DPY19L4: variants seen among roughly 807,000 people sequenced by gnomAD.
DPY19L4 encodes the protein probable C-mannosyltransferase DPY19L4.
Under a neutral mutation model 102.8 loss-of-function variants are expected in DPY19L4, and 97 were observed. The observed-to-expected ratio is 0.94, with a 90% CI of 0.80 to 1.12. The LOEUF (loss-of-function observed/expected upper bound fraction) is 1.12. Among genes scored for constraint, DPY19L4 ranks in the 50% most tolerant of loss-of-function variants. The pLI is 0.00. For synonymous variants in DPY19L4, 252 were observed against 283.1 expected (o/e 0.89, Z 1.10); for missense variants, 815 against 850.4 (o/e 0.96, Z 0.52).
At chr8:94,750,476 A>G (rs942978740) in intron 6 of DPY19L4, among the ~76,000 whole-genome samples, 5 of 152,212 alleles carry the variant, frequency 3.3e-5, no homozygotes, top group African/African-American at 1.2e-4. Context: ...AATGTTTACT[A>G]GGTTCTAGGC....
intron 13 of DPY19L4, among the ~76,000 whole-genome samples, chr8:94,774,868 C>T (rs551297834): frequency 8.5e-5 from 13 of 152,176 alleles, no homozygotes; most frequent in Middle Eastern, 3.4e-3. Context: ...TGAGCCACCG[C>T]GCCCAGCCTT....
chr8:94,754,756 A>C (rs1812085772), intron 6 of DPY19L4, among the ~76,000 whole-genome samples: 1 of 152,148 alleles, frequency 6.6e-6, no homozygotes, highest in African/African-American at 2.4e-5. Flanking sequence ...ATTGAGGAGA[A>C]ATTTAGGAGG....
intron 10 of DPY19L4, 75 bp downstream of exon 10, chr8:94,765,884 A>G: frequency 1.1e-6 from 1 of 938,488 alleles, no homozygotes; most frequent in Middle Eastern, 2.7e-4. Context: ...TTTAATGAGA[A>G]TAATGAGATA....
At chr8:94,789,551 G>A (rs552201941) in intron 18 of DPY19L4, among the ~76,000 whole-genome samples, 195 bp from the exon 19 acceptor site, 47 of 152,268 alleles carry the variant, frequency 3.1e-4, no homozygotes, top group Admixed American at 5.9e-4. Flanking sequence ...CAGTGTCAAT[G>A]AGAAGTTCAG....
rs1490794801 is a variant in DPY19L4 at position 94,792,413 on chromosome 8, A to G, written c.*2503A>G. 6.6e-6 allele frequency: 1 copy of G among 151,852 alleles called. No individual in the cohort carries two copies. 9.4% of individuals were successfully genotyped at this position (151,852 alleles called of 1,614,324 possible). ...CAGGCACCTGCCACCAAGCACGGCT[A>G]ATTTTTGTATTTTTAGTAGAAACGG... On this transcript the variant is annotated 3_prime_UTR_variant, in exon 19 of 19. Transcript: ENST00000414645.
intron 7 of DPY19L4, 135 bp downstream of exon 7, chr8:94,756,294 G>C (rs534371592): frequency 1.0e-4 from 126 of 1,207,062 alleles, no homozygotes; most frequent in Non-Finnish European, 1.4e-4. Context: ...CATAATAAAA[G>C]ATATAGTTAG....
At chr8:94,756,290 A>G in intron 7 of DPY19L4, 131 bp downstream of exon 7, 3 of 1,247,016 alleles carry the variant, frequency 2.4e-6, no homozygotes, top group Non-Finnish European at 3.2e-6. Flanking sequence ...ACTACATAAT[A>G]AAAGATATAG....
chr8:94,760,680 T>C (rs1812358887), intron 7 of DPY19L4, among the ~76,000 whole-genome samples: 2 of 152,232 alleles, frequency 1.3e-5, no homozygotes, highest in African/African-American at 4.8e-5. Flanking sequence ...ATTGTCCTTC[T>C]CCTTCACTGT....
At chr8:94,756,292 A>C in intron 7 of DPY19L4, 133 bp downstream of exon 7, 3 of 1,233,280 alleles carry the variant, frequency 2.4e-6, no homozygotes, top group Non-Finnish European at 3.3e-6. Flanking sequence ...TACATAATAA[A>C]AGATATAGTT....
intron 16 of DPY19L4, among the ~76,000 whole-genome samples, chr8:94,782,551 A>G (rs1408574736): frequency 2.7e-5 from 4 of 149,518 alleles, no homozygotes; most frequent in African/African-American, 1.0e-4. Flanking sequence ...AAATAACTAC[A>G]TTGAAATTTA....
chr8:94,745,274 G>A (rs957971239), intron 6 of DPY19L4, among the ~76,000 whole-genome samples: 10 of 152,154 alleles, frequency 6.6e-5, no homozygotes, highest in African/African-American at 2.2e-4. Flanking sequence ...TCCCTTTGAA[G>A]ACTTGCCACC....
chr8:94,787,886 T>A lies in DPY19L4; in HGVS notation c.1849-8T>A. 2 of 1,331,816 alleles carry A rather than the reference T, an allele frequency of 1.5e-6. No homozygotes were observed. The highest frequency in any genetic ancestry group is 1.9e-6 in the Non-Finnish European group (2 of 1,027,820). The allele number at this position is 1,331,816 out of a possible 1,614,324, so 82.5% of individuals were successfully genotyped here. A position where few individuals can be genotyped will look rare whatever the true frequency, so the allele number is the denominator to read the frequency against. On this transcript the variant is annotated splice_region_variant and splice_polypyrimidine_tract_variant and intron_variant, in intron 17 of 18. Coordinates refer to ENST00000414645, the MANE Select transcript of DPY19L4 (RefSeq NM_181787.3). Reference sequence around the variant, plus strand: ...TCTTTCAGTTTTATTTTAATTATATTCTTTCAGATCTACCAAATCTATTCA... The same window carrying A: ...TCTTTCAGTTTTATTTTAATTATATACTTTCAGATCTACCAAATCTATTCA...
At chr8:94,784,589 C>T (rs886890649) in intron 17 of DPY19L4, among the ~76,000 whole-genome samples, 1 of 152,036 alleles carries the variant, frequency 6.6e-6, no homozygotes, top group African/African-American at 2.4e-5. Flanking sequence ...CCACCATGAC[C>T]AGTTAATTTT....
chr8:94,725,528 A>G (rs913127188), intron 1 of DPY19L4, among the ~76,000 whole-genome samples: 2 of 152,216 alleles, frequency 1.3e-5, no homozygotes, highest in African/African-American at 4.8e-5. Flanking sequence ...ATTTTCTAAT[A>G]CCTAAATCTA....
intron 1 of DPY19L4, among the ~76,000 whole-genome samples, chr8:94,724,418 G>A (rs187344667): frequency 7.1e-4 from 108 of 152,252 alleles, no homozygotes; most frequent in African/African-American, 2.5e-3. Flanking sequence ...ATAAATATGC[G>A]TTCTTGTTGA....
intron 9 of DPY19L4, 43 bp downstream of exon 9, chr8:94,765,357 T>C (rs1454715090): frequency 2.6e-6 from 4 of 1,563,862 alleles, no homozygotes; most frequent in Non-Finnish European, 2.6e-6. Flanking sequence ...TTGATTTTTT[T>C]TTTTTGAAGT....
chr8:94,788,667 C>G (rs965609606), intron 18 of DPY19L4, among the ~76,000 whole-genome samples: 3 of 152,206 alleles, frequency 2.0e-5, no homozygotes, highest in Non-Finnish European at 4.4e-5. Context: ...GTCTTCCCCC[C>G]CAGCCCCCAT....
intron 1 of DPY19L4, among the ~76,000 whole-genome samples, chr8:94,720,538 A>G (rs10109430): frequency 0.12 from 18,940 of 152,182 alleles, 1,347 homozygotes; most frequent in East Asian, 0.19. Flanking sequence ...AAGAAAGCCA[A>G]GTTCACTTAG....
At chr8:94,776,915 A>C (rs1041397881) in intron 13 of DPY19L4, among the ~76,000 whole-genome samples, 11 of 150,514 alleles carry the variant, frequency 7.3e-5, no homozygotes, top group African/African-American at 2.4e-4. Context: ...CAGTGAGCCA[A>C]GATCACAACC....
Sources: allele counts gnomAD v4.1 joint callset (sites outside exome capture counted in the v4.1 genomes callset), GRCh38; gene constraint gnomAD v4.1.1; transcripts MANE v1.5; gene names NCBI Gene and HGNC (gene_info 2026-07-23, HGNC 2026-07-21).